Variants in BRD4 observed in about 807,000 individuals in gnomAD.
BRD4 encodes the protein bromodomain containing 4.
A neutral mutation model predicts 142.1 loss-of-function variants in BRD4; 16 were observed. That is an observed-to-expected ratio of 0.11 (90% CI 0.08 to 0.17). The LOEUF (loss-of-function observed/expected upper bound fraction) is 0.17. Ranked by LOEUF, BRD4 falls within the 10% of genes least tolerant of loss-of-function variation. BRD4 has a pLI of 1.00. For synonymous variants in BRD4, 833 were observed against 707.5 expected (o/e 1.18, Z -2.82); for missense variants, 1,424 against 1,810.9 (o/e 0.79, Z 3.88).
intron 1 of BRD4, among the ~76,000 whole-genome samples, chr19:15,281,103 TGA>T (rs1599484769): frequency 6.6e-6 from 1 of 152,138 alleles, no homozygotes; most frequent in Non-Finnish European, 1.5e-5. Flanking sequence ...AGGCAGCTGG[TGA>T]GAACAGCGCT....
chr19:15,257,931 A>G (rs2047430383), intron 7 of BRD4, among the ~76,000 whole-genome samples: 1 of 152,114 alleles, frequency 6.6e-6, no homozygotes, highest in African/African-American at 2.4e-5. Context: ...GGGGTCATGG[A>G]GCTCAGGGAA....
intron 1 of BRD4, chr19:15,280,413 G>A (rs2047694574): frequency 9.8e-7 from 1 of 1,015,652 alleles, no homozygotes; most frequent in African/African-American, 1.7e-5. Context: ...CATAAGCTGG[G>A]TCTTAAGTCA....
In BRD4 at chr19:15,239,081, G is replaced by GCTCCTT. The variant is rs2047217267; in HGVS notation, c.3754_3759dup (p.Lys1252_Glu1253dup). 1.9e-6 allele frequency: 3 copies of GCTCCTT among 1,600,944 alleles called. No individual in the cohort carries two copies. Among genetic ancestry groups the GCTCCTT allele is most frequent in the Non-Finnish European group, 2.5e-6 (3 of 1,176,776 alleles). On this transcript the variant is annotated inframe_insertion, in exon 18 of 20. Coordinates refer to ENST00000679869, the MANE Select transcript of BRD4 (RefSeq NM_001379291.1). This position sits in a 1 kb window ranked among gnomAD's most constrained non-coding sequence, Gnocchi z 7.4. ...CACCTCATGCGCTCCTGCCGCAGCC[G>GCTCCTT]CTCCTTCTCCTTCTCAGCGTGCTCG... is the stretch of plus-strand genomic sequence containing the variant.
At chr19:15,300,858 AG>A (rs1325477179) in intron 1 of BRD4, among the ~76,000 whole-genome samples, 1 of 152,252 alleles carries the variant, frequency 6.6e-6, no homozygotes, top group East Asian at 1.9e-4. Flanking sequence ...GCAACCCTCC[AG>A]AAACATCTGA....
chr19:15,249,004 C>G (rs1235571235), intron 11 of BRD4: 1 of 550,016 alleles, frequency 1.8e-6, no homozygotes, highest in African/African-American at 1.9e-5. Flanking sequence ...CCCAGAGGAC[C>G]CCAGAGAACC....
chr19:15,265,706 CGTG>C, intron 4 of BRD4, 63 bp from the exon 5 acceptor site: 2 of 1,546,706 alleles, frequency 1.3e-6, no homozygotes, highest in Non-Finnish European at 1.8e-6. Context: ...TGGCTGACCT[CGTG>C]GGGACATACA....
chr19:15,237,650 G>C lies in BRD4; in HGVS notation c.*727C>G, dbSNP rs201471124. The C allele has an allele frequency of 2.2e-5, 5 of 230,792 alleles. No homozygotes were observed. The highest frequency in any genetic ancestry group is 5.7e-5 in the Admixed American group (1 of 17,670). The allele number at this position is 230,792 out of a possible 1,614,324, so 14.3% of individuals were successfully genotyped here. On this transcript the variant is annotated 3_prime_UTR_variant, in exon 20 of 20. Transcript: ENST00000679869. ...AAAAAAGAAAAAAAAAAACGAAACA[G>C]AAACACAGGTGGGAAGGAACTGACT...
chr19:15,249,332 T>C (rs1465108193), intron 11 of BRD4: 2 of 1,613,758 alleles, frequency 1.2e-6, no homozygotes, highest in Non-Finnish European at 1.7e-6. Context: ...AGAAATGGTG[T>C]GGAATGTACC....
At chr19:15,311,301 CAAAA>C (rs540492947) in intron 1 of BRD4, among the ~76,000 whole-genome samples, 1 of 149,828 alleles carries the variant, frequency 6.7e-6, no homozygotes, top group Non-Finnish European at 1.5e-5. Context: ...CAAAAAAAAA[CAAAA>C]AAACAAAAAA....
At chr19:15,315,637 T>C (rs1410836230) in intron 1 of BRD4, among the ~76,000 whole-genome samples, 1 of 152,102 alleles carries the variant, frequency 6.6e-6, no homozygotes, top group African/African-American at 2.4e-5. Flanking sequence ...CGTGAATCAC[T>C]TGAGATCAGA....
At chr19:15,242,593 AG>A (rs2145509133) in intron 14 of BRD4, among the ~76,000 whole-genome samples, 1 of 152,234 alleles carries the variant, frequency 6.6e-6, no homozygotes, top group Admixed American at 6.5e-5. Context: ...GAGGTGCATC[AG>A]GTACCTCCCC....
intron 1 of BRD4, among the ~76,000 whole-genome samples, chr19:15,291,066 G>A (rs900824337): frequency 2.0e-4 from 30 of 152,108 alleles, no homozygotes; most frequent in African/African-American, 7.2e-4. Flanking sequence ...ACTGTGACCT[G>A]ACCATTGCTT....
chr19:15,283,931 C>T (rs1461396350), intron 1 of BRD4, among the ~76,000 whole-genome samples: 1 of 152,144 alleles, frequency 6.6e-6, no homozygotes, highest in Admixed American at 6.5e-5. Flanking sequence ...TAGCAAGAGC[C>T]CTTGCTGGGT....
chr19:15,281,829 G>A (rs1325920894), intron 1 of BRD4, among the ~76,000 whole-genome samples: 1 of 152,128 alleles, frequency 6.6e-6, no homozygotes. Context: ...ACCACCATGG[G>A]CAACACAGTG....
At chr19:15,253,832 C>A in intron 11 of BRD4, 2 of 1,485,770 alleles carry the variant, frequency 1.3e-6, no homozygotes, top group Non-Finnish European at 9.1e-7. Flanking sequence ...ACCCCCACGC[C>A]CACAGTCCTC....
intron 1 of BRD4, among the ~76,000 whole-genome samples, chr19:15,292,027 C>T (rs1275917077): frequency 1.3e-5 from 2 of 152,138 alleles, no homozygotes; most frequent in African/African-American, 2.4e-5. Flanking sequence ...TATTTTGCTA[C>T]GTAGTGACAA....
chr19:15,314,942 G>A (rs1250083097), intron 1 of BRD4, among the ~76,000 whole-genome samples: 8 of 152,212 alleles, frequency 5.3e-5, no homozygotes, highest in Admixed American at 5.2e-4. Flanking sequence ...CAAATGAACG[G>A]AATGAGGCAA....
intron 1 of BRD4, among the ~76,000 whole-genome samples, chr19:15,286,380 A>AAGT (rs757385398): frequency 2.0e-5 from 3 of 152,178 alleles, no homozygotes; most frequent in Non-Finnish European, 4.4e-5. Context: ...AGAGACAGGG[A>AAGT]AGTAATAGGG....
At chr19:15,304,718 A>T (rs897118786) in intron 1 of BRD4, among the ~76,000 whole-genome samples, 1 of 152,192 alleles carries the variant, frequency 6.6e-6, no homozygotes, top group Non-Finnish European at 1.5e-5. Context: ...ATGGGGCTCA[A>T]TGTGTCTGTA....
Sources: allele counts gnomAD v4.1 joint callset (sites outside exome capture counted in the v4.1 genomes callset), GRCh38; gene constraint gnomAD v4.1.1; non-coding constraint Gnocchi (gnomAD v3.1); transcripts MANE v1.5; gene names NCBI Gene and HGNC (gene_info 2026-07-23, HGNC 2026-07-21).